IQGAP2: variants seen among roughly 807,000 people sequenced by gnomAD.
IQGAP2 encodes ras GTPase-activating-like protein IQGAP2.
In IQGAP2, 173 loss-of-function variants were observed where a neutral mutation model predicts 201.3. The observed-to-expected ratio is 0.86, with a 90% confidence interval of 0.76 to 0.98. The LOEUF is 0.98. IQGAP2 is among the 50% of genes least tolerant of loss of function. The pLI, the probability that IQGAP2 is intolerant of heterozygous loss-of-function variation, is 0.00. For missense variants in IQGAP2, 1,687 were observed against 1,864.8 expected, an observed-to-expected ratio of 0.90 and a Z score of 1.76; for synonymous variants, 675 against 673.9, an observed-to-expected ratio of 1.00 and a Z score of -0.03.
At chr5:76,407,975 A>T (rs1173168566) in intron 1 of IQGAP2, among the ~76,000 whole-genome samples, 1 of 152,178 alleles carries the variant, frequency 6.6e-6, no homozygotes, top group African/African-American at 2.4e-5. Flanking sequence ...TACTAAAAAT[A>T]CAAAAATTAG....
intron 13 of IQGAP2, among the ~76,000 whole-genome samples, chr5:76,614,321 G>A (rs6453236): frequency 0.82 from 124,785 of 152,100 alleles, 51,552 homozygotes; most frequent in South Asian, 0.9. Flanking sequence ...TTAGAGCATT[G>A]ATATGGAGCC....
At chr5:76,536,147 C>T (rs1759610451) in intron 2 of IQGAP2, among the ~76,000 whole-genome samples, 1 of 146,206 alleles carries the variant, frequency 6.8e-6, no homozygotes, top group Admixed American at 7.0e-5. Context: ...CGGCTCACTG[C>T]AACCTCCACC....
chr5:76,515,435 TA>T (rs936335064), intron 2 of IQGAP2, among the ~76,000 whole-genome samples: 4 of 152,226 alleles, frequency 2.6e-5, no homozygotes, highest in Non-Finnish European at 5.9e-5. Context: ...GAGTTGCATA[TA>T]TCCATTAAGT....
At chr5:76,539,443 G>T (rs921623004) in intron 2 of IQGAP2, among the ~76,000 whole-genome samples, 4 of 152,204 alleles carry the variant, frequency 2.6e-5, no homozygotes, top group African/African-American at 7.2e-5. Flanking sequence ...CCGTTCTGCT[G>T]CAGTGCCAGC....
chr5:76,599,156 A>C (rs944019886), intron 10 of IQGAP2, among the ~76,000 whole-genome samples: 1 of 152,144 alleles, frequency 6.6e-6, no homozygotes, highest in Admixed American at 6.5e-5. Context: ...CTGAGACAGG[A>C]GGATCACTTG....
rs751781321 is a variant in IQGAP2, at chr5:76,627,425, T to C, written c.1537T>C (p.Ser513Pro). ...TTGTCCCCAGGACTCTGAGAGTGTT[T>C]CCAAAGTGCTTTGGCTGGATGAGAT... ...SQKLGDSESV[S>P]KVLWLDEIQQ... The change falls in exon 14 of 36, where the codon TCC becomes CCC. Residue 513 changes from serine to proline, a missense_variant. By Grantham distance (74) the Ser-to-Pro change is moderately conservative. Transcript: ENST00000274364. 6.2e-7 allele frequency: 1 copy of C among 1,600,908 alleles called. No homozygotes were observed. The highest frequency in any genetic ancestry group is 1.1e-5 in the South Asian group (1 of 90,710).
intron 1 of IQGAP2, among the ~76,000 whole-genome samples, chr5:76,450,269 T>TAAG (rs1753657156): frequency 6.6e-6 from 1 of 152,226 alleles, no homozygotes; most frequent in African/African-American, 2.4e-5. Flanking sequence ...TCACCCACTC[T>TAAG]TGCCAACCCA....
At chr5:76,459,021 T>C (rs1192932244) in intron 1 of IQGAP2, among the ~76,000 whole-genome samples, 4 of 152,110 alleles carry the variant, frequency 2.6e-5, no homozygotes, top group Non-Finnish European at 5.9e-5. Flanking sequence ...CAGGAAGACT[T>C]TGGGAAGAAA....
chr5:76,594,664 A>G (rs1308120479), intron 9 of IQGAP2, among the ~76,000 whole-genome samples: 3 of 152,176 alleles, frequency 2.0e-5, no homozygotes, highest in African/African-American at 7.2e-5. Flanking sequence ...ACAATTGTAC[A>G]CTTTAAAATA....
At chr5:76,509,630 G>T (rs540160832) in intron 2 of IQGAP2, among the ~76,000 whole-genome samples, 2 of 152,150 alleles carry the variant, frequency 1.3e-5, no homozygotes, top group South Asian at 2.1e-4. Context: ...TCTTGACCTC[G>T]TGATCCTCCT....
chr5:76,533,531 T>C (rs1250028267), intron 2 of IQGAP2, among the ~76,000 whole-genome samples: 1 of 111,388 alleles, frequency 9.0e-6, no homozygotes, highest in Non-Finnish European at 1.9e-5. Context: ...CTATTATTTA[T>C]ATATATATAT....
chr5:76,618,160 G>T (rs1307481731), intron 13 of IQGAP2: 3 of 1,614,178 alleles, frequency 1.9e-6, no homozygotes. Context: ...CAGGCAAGGA[G>T]CAGAATGGAG....
chr5:76,459,647 CT>C lies in IQGAP2; in HGVS notation c.47-1914del, dbSNP rs201856586. 3.1e-3 allele frequency among the ~76,000 whole-genome samples: 464 copies of C among 151,438 alleles called. 3 individuals are homozygous for C. The highest frequency in any genetic ancestry group is 0.016 in the South Asian group (76 of 4,748). Reference sequence around the variant, plus strand: ...AGAAAACACAGGGAAAGAAATATAACTTTTTTTTTGAGACAGAGTCTCATAC... The same window carrying C: ...AGAAAACACAGGGAAAGAAATATAACTTTTTTTTGAGACAGAGTCTCATAC... On this transcript the variant is annotated intron_variant, in intron 1 of 35. Coordinates refer to ENST00000274364, the MANE Select transcript of IQGAP2 (RefSeq NM_006633.5).
chr5:76,571,371 A>G lies in IQGAP2; in HGVS notation c.381+714A>G, dbSNP rs539968233. ...TGTTTTTGTTTTTGTTTTTGTAGAG[A>G]CAGGGTTTTGCCTCGTCGGCCAGGC... On this transcript the variant is annotated intron_variant, in intron 4 of 35. Transcript: ENST00000274364. Among the ~76,000 whole-genome samples the G allele has an allele frequency of 2.0e-5, 3 of 152,064 alleles. No homozygotes were observed. The South Asian group carries it at 6.2e-4, about 32-fold the overall frequency.
chr5:76,600,228 T>C (rs758692309), intron 10 of IQGAP2, among the ~76,000 whole-genome samples: 1 of 152,230 alleles, frequency 6.6e-6, no homozygotes, highest in Non-Finnish European at 1.5e-5. Flanking sequence ...TACCAAAAGA[T>C]CACCTCAGAT....
At position 76,536,157 on chromosome 5, in the gene IQGAP2, C is replaced by T. The variant is rs1759611273; in HGVS notation, c.147-26239C>T. Among the ~76,000 whole-genome samples, 3 of 150,938 alleles carry T rather than the reference C, an allele frequency of 2.0e-5. No homozygotes were observed. The East Asian group carries it at 5.9e-4, about 30-fold the overall frequency. On this transcript the variant is annotated intron_variant, in intron 2 of 35. Transcript: ENST00000274364. ...AATCTCGGCTCACTGCAACCTCCAC[C>T]TCCTGGGTTCAAGCGATTGTCCTGC...
At chr5:76,465,625 T>C (rs543568752) in intron 2 of IQGAP2, among the ~76,000 whole-genome samples, 24 of 152,226 alleles carry the variant, frequency 1.6e-4, no homozygotes, top group South Asian at 2.1e-4. Flanking sequence ...AGAAAATCCA[T>C]AGGAATCTAC....
chr5:76,555,432 A>C (rs1366228314), intron 2 of IQGAP2, among the ~76,000 whole-genome samples: 4 of 152,228 alleles, frequency 2.6e-5, no homozygotes, highest in Admixed American at 6.5e-5. Context: ...GTTCCAGTGC[A>C]TATAGCTGGT....
chr5:76,672,762 A>G (rs1223309661), intron 24 of IQGAP2, among the ~76,000 whole-genome samples: 1 of 152,300 alleles, frequency 6.6e-6, no homozygotes, highest in East Asian at 1.9e-4. Context: ...CGAGGCCCAC[A>G]GACATACATG....
Sources: allele counts gnomAD v4.1 joint callset (sites outside exome capture counted in the v4.1 genomes callset), GRCh38; gene constraint gnomAD v4.1.1; transcripts MANE v1.5; gene names NCBI Gene and HGNC (gene_info 2026-07-23, HGNC 2026-07-21).